The following INPP4B variants were observed in gnomAD, a reference collection of about 807,000 sequenced individuals.
INPP4B encodes inositol polyphosphate-4-phosphatase type II B.
In INPP4B, 55 loss-of-function variants were observed where a neutral mutation model predicts 122.5. That is an observed-to-expected ratio of 0.45 (90% CI 0.36 to 0.56). The LOEUF is 0.56. INPP4B is among the 20% of genes least tolerant of loss of function. The pLI is 0.00. For synonymous variants in INPP4B, 403 were observed against 388.7 expected (o/e 1.04, Z -0.43); for missense variants, 1,000 against 1,097.7 (o/e 0.91, Z 1.26).
chr4:142,168,806 C>G (rs954021389), intron 16 of INPP4B, among the ~76,000 whole-genome samples: 1 of 151,512 alleles, frequency 6.6e-6, no homozygotes, highest in African/African-American at 2.4e-5. Context: ...GTGTGAAGCT[C>G]CTTCCTCTCT....
chr4:142,208,015 A>G (rs1843270745), intron 14 of INPP4B, among the ~76,000 whole-genome samples: 1 of 152,086 alleles, frequency 6.6e-6, no homozygotes, highest in Admixed American at 6.6e-5. Flanking sequence ...ATTGATAGTT[A>G]TCAGTAAGTC....
chr4:142,599,722 CTT>C (rs1174809150), intron 2 of INPP4B, among the ~76,000 whole-genome samples: 3 of 151,730 alleles, frequency 2.0e-5, no homozygotes, highest in African/African-American at 7.3e-5. Flanking sequence ...AGAATTCAAA[CTT>C]ATCATACAAA....
intron 1 of INPP4B, among the ~76,000 whole-genome samples, chr4:142,773,835 A>G (rs1311826204): frequency 2.0e-5 from 3 of 151,218 alleles, no homozygotes; most frequent in Admixed American, 2.0e-4. Context: ...CCAGAAGAGA[A>G]TGAAATTGAT....
chr4:142,150,102 T>C (rs926115054), intron 17 of INPP4B, among the ~76,000 whole-genome samples: 5 of 152,214 alleles, frequency 3.3e-5, no homozygotes, highest in African/African-American at 1.2e-4. Context: ...AAATACATTC[T>C]CATTCTGATG....
At chr4:142,233,507 T>C (rs1855350771) in intron 12 of INPP4B, among the ~76,000 whole-genome samples, 1 of 152,190 alleles carries the variant, frequency 6.6e-6, no homozygotes, top group African/African-American at 2.4e-5. Context: ...TATAAATGAA[T>C]GGTTTGCACT....
At chr4:142,793,874 G>T (rs1776873049) in intron 1 of INPP4B, among the ~76,000 whole-genome samples, 1 of 151,906 alleles carries the variant, frequency 6.6e-6, no homozygotes, top group Non-Finnish European at 1.5e-5. Context: ...ATGCATTTCT[G>T]AAAATACTAT....
intron 9 of INPP4B, among the ~76,000 whole-genome samples, chr4:142,284,975 C>T (rs72941103): frequency 1.6e-3 from 236 of 151,946 alleles, no homozygotes; most frequent in African/African-American, 5.3e-3. Context: ...AGGGTATATG[C>T]GAGGGAATCG....
chr4:142,666,929 T>G (rs771335823), intron 2 of INPP4B, among the ~76,000 whole-genome samples: 19 of 152,198 alleles, frequency 1.2e-4, no homozygotes, highest in Non-Finnish European at 2.6e-4. Flanking sequence ...AGCTCAGCTG[T>G]AAATCACAAA....
At chr4:142,613,049 T>C (rs979937442) in intron 2 of INPP4B, among the ~76,000 whole-genome samples, 1 of 152,130 alleles carries the variant, frequency 6.6e-6, no homozygotes, top group Non-Finnish European at 1.5e-5. Flanking sequence ...TCCTGCTAAT[T>C]AGAATGTGAA....
chr4:142,257,430 T>G (rs76757123), intron 11 of INPP4B, among the ~76,000 whole-genome samples: 1 of 151,758 alleles, frequency 6.6e-6, no homozygotes, highest in Non-Finnish European at 1.5e-5. Context: ...TGTTTGCAGA[T>G]GACATGATTG....
At chr4:142,844,011 T>C (rs1783881661) in intron 1 of INPP4B, among the ~76,000 whole-genome samples, 2 of 152,164 alleles carry the variant, frequency 1.3e-5, no homozygotes, top group African/African-American at 4.8e-5. Context: ...TAGCATTATT[T>C]TATAATCAAG....
chr4:142,685,360 C>T (rs1041075673), intron 2 of INPP4B, among the ~76,000 whole-genome samples: 6 of 152,012 alleles, frequency 3.9e-5, no homozygotes, highest in African/African-American at 9.7e-5. Context: ...ATTGGGGAGA[C>T]ATTTTTAGTG....
In INPP4B at chr4:142,839,449, AAAAATG is replaced by A. The variant is rs1237413296; in HGVS notation, c.-254+6754_-254+6759del. On this transcript the variant is annotated intron_variant, in intron 1 of 25. Coordinates refer to ENST00000262992, the MANE Select transcript of INPP4B (RefSeq NM_001101669.3). ...ACTCCATCTCAACAACAACAACAAA[AAAAATG>A]ACATAGGACATAAACTGAAGTCTAT... 2.6e-5 allele frequency among the ~76,000 whole-genome samples: 4 copies of A among 152,168 alleles called. No homozygotes were observed. In the South Asian group the frequency reaches 8.3e-4, roughly 32 times the overall value.
At position 142,429,190 on chromosome 4, in the gene INPP4B, T is replaced by G; in HGVS notation, c.119A>C (p.Gln40Pro). 6.4e-7 allele frequency: 1 copy of G among 1,568,034 alleles called. No individual in the cohort carries two copies. The highest frequency in any genetic ancestry group is 1.7e-5 in the Admixed American group (1 of 58,550). Residue 40 changes from glutamine (Q) to proline (P), a missense_variant, in exon 5 of 26, where the codon CAG becomes CCG. Physicochemically the swap from Gln to Pro is moderately conservative, Grantham distance 76 (BLOSUM62 -1). Transcript: ENST00000262992. ...TSIQKTPNEP[Q>P]LEFILACKDL... Reference sequence around the variant, plus strand: ...TTTCTTACCAAGGATGAATTCCAACTGCGGTTCATTTGGAGTCTTCTGGAT... The same window carrying G: ...TTTCTTACCAAGGATGAATTCCAACGGCGGTTCATTTGGAGTCTTCTGGAT...
intron 1 of INPP4B, among the ~76,000 whole-genome samples, chr4:142,834,837 T>C (rs1697894285): frequency 6.6e-6 from 1 of 152,220 alleles, no homozygotes; most frequent in Admixed American, 6.6e-5. Context: ...CCTTGAGGTT[T>C]TGAGGGGCTT....
At chr4:142,738,660 G>A in intron 1 of INPP4B, among the ~76,000 whole-genome samples, 1 of 151,906 alleles carries the variant, frequency 6.6e-6, no homozygotes, top group East Asian at 1.9e-4. Flanking sequence ...AGATTCCAAG[G>A]GCTGTCTGCA....
At chr4:142,641,159 C>A (rs1255445755) in intron 2 of INPP4B, among the ~76,000 whole-genome samples, 1 of 152,042 alleles carries the variant, frequency 6.6e-6, no homozygotes, top group South Asian at 2.1e-4. Flanking sequence ...ATTGTCACAA[C>A]TGGAAACAAC....
In INPP4B at chr4:142,555,986, G is replaced by A. The variant is rs150333559; in HGVS notation, c.-190-93260C>T. Among the ~76,000 whole-genome samples, 495 of 152,246 alleles carry A rather than the reference G, an allele frequency of 3.3e-3. 3 individuals carry two copies. The highest frequency in any genetic ancestry group is 0.01 in the Middle Eastern group (3 of 294). ...ATTTATATGTATCTTTTCAGCAAGC[G>A]AGGAGAGTTCTTAGCTGTGGGTAAC... On this transcript the variant is annotated intron_variant, in intron 2 of 25. Transcript: ENST00000262992.
chr4:142,816,236 T>C (rs553646321), intron 1 of INPP4B, among the ~76,000 whole-genome samples: 3 of 152,290 alleles, frequency 2.0e-5, no homozygotes, highest in South Asian at 4.1e-4. Context: ...GGTTGTAAGA[T>C]TTAGAGAAGA....
Sources: gnomAD v4.1 joint callset for allele counts (sites outside exome capture counted in the v4.1 genomes callset) on GRCh38, gnomAD v4.1.1 for gene constraint, MANE v1.5 for transcripts, NCBI Gene and HGNC (gene_info 2026-07-23, HGNC 2026-07-21) for gene names.